HDAC4: variants seen among roughly 807,000 people sequenced by gnomAD.
HDAC4 encodes histone deacetylase 4, also known as histone deacetylase A.
HDAC4 carries 16 observed loss-of-function variants against 135.1 expected under a neutral mutation model. The ratio of observed to expected loss-of-function variants is 0.12; its 90% confidence interval spans 0.08 to 0.18. The LOEUF (loss-of-function observed/expected upper bound fraction) is 0.18, where lower values mean the gene tolerates loss of function less well. HDAC4 is among the 10% of genes least tolerant of loss of function. The pLI, the probability that HDAC4 is intolerant of heterozygous loss-of-function variation, is 1.00. For synonymous variants in HDAC4, 685 were observed against 653.4 expected, an observed-to-expected ratio of 1.05 and a Z score of -0.74; for missense variants, 1,143 against 1,511.8, an observed-to-expected ratio of 0.76 and a Z score of 4.05.
chr2:239,099,536 G>A (rs184389070), intron 16 of HDAC4, among the ~76,000 whole-genome samples: 16 of 152,336 alleles, frequency 1.1e-4, no homozygotes, highest in Non-Finnish European at 1.6e-4. Flanking sequence ...ACGTTTCCTG[G>A]TAAGGACTGG....
At chr2:239,095,825 C>A (rs757853904) in intron 16 of HDAC4, among the ~76,000 whole-genome samples, 3 of 152,194 alleles carry the variant, frequency 2.0e-5, no homozygotes, top group Non-Finnish European at 2.9e-5. Context: ...AAGAGACCCC[C>A]ACTAACCAGG....
At chr2:239,166,448 C>T (rs2152977826) in intron 5 of HDAC4, among the ~76,000 whole-genome samples, 1 of 152,298 alleles carries the variant, frequency 6.6e-6, no homozygotes, top group East Asian at 1.9e-4. Context: ...TGTCTCATCA[C>T]CTAAGTTGTG....
chr2:239,295,149 T>C (rs1439704271), intron 2 of HDAC4, among the ~76,000 whole-genome samples: 1 of 150,318 alleles, frequency 6.7e-6, no homozygotes, highest in East Asian at 2.0e-4. Context: ...CTACTAAAAA[T>C]ACAAAAAATT....
rs2033880763 is a variant in HDAC4 at position 239,068,893 on chromosome 2, C to T, written c.2751-286G>A. Reference sequence around the variant, plus strand: ...AGTCACGGTGCAAGCCAGCAAGCCCCACTGCACTTGCTTGGTGAGAGGGAG... The same window carrying T: ...AGTCACGGTGCAAGCCAGCAAGCCCTACTGCACTTGCTTGGTGAGAGGGAG... On this transcript the variant is annotated intron_variant, in intron 22 of 26. Transcript: ENST00000543185. The surrounding 1 kb of genome is among the most constrained non-coding windows in gnomAD (Gnocchi z 4.4). The T allele has an allele frequency of 2.5e-6, 1 of 394,998 alleles. No homozygotes were observed. Among genetic ancestry groups the T allele is most frequent in the Admixed American group, 3.6e-5 (1 of 27,506 alleles). The allele number at this position is 394,998 out of a possible 1,614,324, so 24.5% of individuals were successfully genotyped here.
intron 3 of HDAC4, among the ~76,000 whole-genome samples, chr2:239,224,958 T>C (rs1346598829): frequency 6.6e-6 from 1 of 152,196 alleles, no homozygotes; most frequent in Non-Finnish European, 1.5e-5. Flanking sequence ...CTCACACATA[T>C]ATTAAAGATT....
chr2:239,126,647 A>G lies in HDAC4; in HGVS notation c.1342T>C (p.Leu448=), dbSNP rs778048770. The G allele has an allele frequency of 1.1e-5, 17 of 1,613,880 alleles. No individual in the cohort carries two copies. Among genetic ancestry groups the G allele is most frequent in the Non-Finnish European group, 1.4e-5 (17 of 1,179,938 alleles). The part of the protein sequence containing the change: ...LGALPLHAQS[L]VGADRVSPSI... The stretch of plus-strand genomic sequence containing the variant: ...GGGGACACCCGGTCTGCACCAACCA[A>G]GGACTGTGCGTGGAGGGGCAGTGCT... Residue 448 remains leucine (L), a synonymous_variant, in exon 12 of 27, where the codon TTG becomes CTG. Coordinates refer to ENST00000543185, the MANE Select transcript of HDAC4 (RefSeq NM_001378414.1).
At chr2:239,342,978 T>C (rs1692387172) in intron 2 of HDAC4, among the ~76,000 whole-genome samples, 1 of 152,120 alleles carries the variant, frequency 6.6e-6, no homozygotes, top group South Asian at 2.1e-4. Context: ...TGTATTTGTT[T>C]TCCTAAAAAG....
chr2:239,277,334 G>A (rs1372105398), intron 2 of HDAC4, among the ~76,000 whole-genome samples: 4 of 152,182 alleles, frequency 2.6e-5, no homozygotes, highest in African/African-American at 7.2e-5. Flanking sequence ...GGTGAGAGGT[G>A]GGGAGAGGAG....
At chr2:239,086,586 A>T (rs1258290135) in intron 19 of HDAC4, among the ~76,000 whole-genome samples, 1 of 152,218 alleles carries the variant, frequency 6.6e-6, no homozygotes, top group African/African-American at 2.4e-5. Context: ...TAACACGCGG[A>T]TCTGACTATC....
intron 12 of HDAC4, among the ~76,000 whole-genome samples, chr2:239,124,700 C>CACGTTAT (rs2040006702): frequency 7.8e-6 from 1 of 128,412 alleles, no homozygotes; most frequent in African/African-American, 2.8e-5. Context: ...TATGACATTC[C>CACGTTAT]ATGTTATGTG....
In HDAC4 at chr2:239,310,919, A is replaced by G. The variant is rs564008477; in HGVS notation, c.22+41759T>C. The stretch of plus-strand genomic sequence containing the variant: ...TCCAACACCACCACGGCCACCGGCC[A>G]TTTAAGAAAACGAACCCTGACGTTA... On this transcript the variant is annotated intron_variant, in intron 2 of 26. Coordinates refer to ENST00000543185, the MANE Select transcript of HDAC4 (RefSeq NM_001378414.1). 8.2e-4 allele frequency among the ~76,000 whole-genome samples: 125 copies of G among 152,328 alleles called. 1 individual carries two copies. The Middle Eastern group carries it at 0.01, about 12-fold the overall frequency.
intron 11 of HDAC4, among the ~76,000 whole-genome samples, chr2:239,126,956 A>G (rs576557586): frequency 2.9e-4 from 44 of 152,318 alleles, no homozygotes; most frequent in African/African-American, 8.7e-4. Context: ...AAACGTCAGG[A>G]GTCCTGTGTG....
At chr2:239,061,582 A>G (rs1392489269) in intron 24 of HDAC4, among the ~76,000 whole-genome samples, 1 of 151,640 alleles carries the variant, frequency 6.6e-6, no homozygotes, top group Non-Finnish European at 1.5e-5. Context: ...TGTGGTGCCT[A>G]TGTGTGGTGT....
chr2:239,094,914 A>C, intron 17 of HDAC4, 96 bp downstream of exon 17: 1 of 1,607,026 alleles, frequency 6.2e-7, no homozygotes. Context: ...ACCTGGCAGC[A>C]ATTATTCACT....
At chr2:239,242,152 G>A (rs752072291) in intron 2 of HDAC4, among the ~76,000 whole-genome samples, 9 of 145,942 alleles carry the variant, frequency 6.2e-5, no homozygotes, top group Non-Finnish European at 1.1e-4. Flanking sequence ...AAGAAAGAAA[G>A]AGAAAGAAAG....
At chr2:239,340,592 T>C (rs908265) in intron 2 of HDAC4, among the ~76,000 whole-genome samples, 98,107 of 152,092 alleles carry the variant, frequency 0.65, 31,763 homozygotes, top group African/African-American at 0.68. Flanking sequence ...ACCTTATCAT[T>C]CTGTTACAAC....
chr2:239,085,702 A>G (rs527585658), intron 19 of HDAC4: 4 of 152,274 alleles, frequency 2.6e-5, no homozygotes, highest in East Asian at 1.9e-4. Flanking sequence ...GGCGGTTACA[A>G]TCTCCTCCCT....
At chr2:239,126,791 G>A (rs1470902875) in intron 11 of HDAC4, 97 bp from the exon 12 acceptor site, 15 of 1,321,792 alleles carry the variant, frequency 1.1e-5, no homozygotes, top group Non-Finnish European at 1.5e-5. Flanking sequence ...ACTGCGCCCT[G>A]TGCCCGCCAG....
chr2:239,072,919 G>C (rs1388197202), intron 22 of HDAC4, among the ~76,000 whole-genome samples: 1 of 152,182 alleles, frequency 6.6e-6, no homozygotes, highest in Non-Finnish European at 1.5e-5. Flanking sequence ...CTACTCTCTA[G>C]AGGGCCAGCA....
Sources: allele counts gnomAD v4.1 joint callset (sites outside exome capture counted in the v4.1 genomes callset), GRCh38; gene constraint gnomAD v4.1.1; non-coding constraint Gnocchi (gnomAD v3.1); transcripts MANE v1.5; gene names NCBI Gene and HGNC (gene_info 2026-07-23, HGNC 2026-07-21).